SLC2A9: variants seen among roughly 807,000 people sequenced by gnomAD.
SLC2A9 encodes solute carrier family 2, facilitated glucose transporter member 9.
In SLC2A9, 39 loss-of-function variants were observed where a neutral mutation model predicts 50.6. The observed-to-expected ratio is 0.77, with a 90% confidence interval of 0.60 to 1.01. The LOEUF is 1.01. SLC2A9 is among the 50% of genes least tolerant of loss of function. The pLI, the probability that SLC2A9 is intolerant of heterozygous loss-of-function variation, is 0.00. For synonymous variants in SLC2A9, 324 were observed against 276.9 expected (o/e 1.17, Z -1.69); for missense variants, 686 against 677.6 (o/e 1.01, Z -0.14).
chr4:9,905,807 G>T (rs968674588), intron 8 of SLC2A9, among the ~76,000 whole-genome samples: 4 of 152,054 alleles, frequency 2.6e-5, no homozygotes, highest in Non-Finnish European at 5.9e-5. Flanking sequence ...CATTCATGAG[G>T]TCCCATGTAG....
Position 10,026,925 on chromosome 4 carries a change from T to C in SLC2A9, c.-40-919A>G, listed in dbSNP as rs183767602. On this transcript the variant is annotated intron_variant, in intron 1 of 12. Coordinates refer to the SLC2A9 transcript ENST00000309065. The stretch of plus-strand genomic sequence containing the variant: ...CGGGTGTGCTAGCAGGCACCTGTAA[T>C]CCCAGCTACTCGGGAGGCTGAGGCA... Among the ~76,000 whole-genome samples the C allele has an allele frequency of 4.1e-3, 629 of 152,036 alleles. 2 individuals carry two copies. The highest frequency in any genetic ancestry group is 0.014 in the African/African-American group (599 of 41,454).
chr4:9,829,137 C>T (rs28504140), intron 11 of SLC2A9, among the ~76,000 whole-genome samples: 21,590 of 152,170 alleles, frequency 0.14, 1,907 homozygotes, highest in African/African-American at 0.25. Context: ...AGCACAGTAG[C>T]TCACACCTGT....
chr4:9,846,286 C>T (rs1728983088), intron 10 of SLC2A9, among the ~76,000 whole-genome samples: 1 of 152,138 alleles, frequency 6.6e-6, no homozygotes, highest in South Asian at 2.1e-4. Flanking sequence ...GAACTCATGC[C>T]CTGCAGCATG....
chr4:9,784,030 C>T (rs1718886076), intron 3 of SLC2A9: 1 of 167,268 alleles, frequency 6.0e-6, no homozygotes, highest in Non-Finnish European at 1.5e-5. Flanking sequence ...ACTATCTTTG[C>T]TTTGCTACAT....
intron 5 of SLC2A9, among the ~76,000 whole-genome samples, chr4:9,947,710 G>A (rs1749452702): frequency 6.6e-6 from 1 of 152,074 alleles, no homozygotes; most frequent in African/African-American, 2.4e-5. Flanking sequence ...CTCACACTCT[G>A]AGCCAACATT....
chr4:10,008,938 T>A (rs1451002695), intron 2 of SLC2A9, among the ~76,000 whole-genome samples: 1 of 151,708 alleles, frequency 6.6e-6, no homozygotes, highest in Non-Finnish European at 1.5e-5. Flanking sequence ...GTCTGTTGCT[T>A]TTATAGTTAC....
At chr4:9,791,106 A>C (rs1719863014) in intron 3 of SLC2A9, among the ~76,000 whole-genome samples, 1 of 152,208 alleles carries the variant, frequency 6.6e-6, no homozygotes, top group Non-Finnish European at 1.5e-5. Context: ...CTTTTAGAGG[A>C]GAAAAAATAA....
intron 10 of SLC2A9, among the ~76,000 whole-genome samples, chr4:9,847,641 C>T (rs1729196958): frequency 6.6e-6 from 1 of 152,230 alleles, no homozygotes; most frequent in Admixed American, 6.5e-5. Context: ...CAACTTCTGC[C>T]TTCAAGGAGC....
chr4:9,802,163 G>T (rs1251781995), intron 3 of SLC2A9, among the ~76,000 whole-genome samples: 3 of 152,138 alleles, frequency 2.0e-5, no homozygotes, highest in Non-Finnish European at 4.4e-5. Flanking sequence ...GAACCTTTTA[G>T]ACGGCCATTC....
chr4:10,014,955 T>C (rs1762356474), intron 2 of SLC2A9, among the ~76,000 whole-genome samples: 1 of 152,050 alleles, frequency 6.6e-6, no homozygotes, highest in Non-Finnish European at 1.5e-5. Flanking sequence ...GGGGAAGAGT[T>C]TGGGGAATGA....
intron 10 of SLC2A9, among the ~76,000 whole-genome samples, chr4:9,855,722 G>C (rs929407428): frequency 2.0e-5 from 3 of 152,066 alleles, no homozygotes; most frequent in Non-Finnish European, 4.4e-5. Flanking sequence ...ATACTACAAG[G>C]CTACAGTAAC....
intron 5 of SLC2A9, among the ~76,000 whole-genome samples, chr4:9,965,869 T>C (rs777509458): frequency 3.9e-5 from 6 of 152,164 alleles, no homozygotes; most frequent in African/African-American, 7.2e-5. Flanking sequence ...CAAAAGAAAA[T>C]AAAAATAGAT....
At chr4:9,822,652 G>A (rs889872760), downstream of SLC2A9, among the ~76,000 whole-genome samples, 3 of 152,066 alleles carry the variant, frequency 2.0e-5, no homozygotes, top group Non-Finnish European at 4.4e-5. Context: ...AGTTCTTTCA[G>A]TGTTTAAAAA....
intron 10 of SLC2A9, among the ~76,000 whole-genome samples, chr4:9,848,782 G>T (rs1320608394): frequency 6.7e-6 from 1 of 148,696 alleles, no homozygotes; most frequent in South Asian, 2.1e-4. Context: ...TCGGCTCACT[G>T]CAAGCTCCAC....
At chr4:9,779,869 A>G (rs950176640) in exon 4 of SLC2A9, 6 of 152,146 alleles carry the variant, frequency 3.9e-5, no homozygotes, top group African/African-American at 1.4e-4. Flanking sequence ...ATTCAAACCC[A>G]TGTCTCCAAA....
At chr4:9,778,416 G>A (rs186808417), downstream of SLC2A9, among the ~76,000 whole-genome samples, 25 of 152,142 alleles carry the variant, frequency 1.6e-4, no homozygotes, top group East Asian at 2.5e-3. Flanking sequence ...CACCGCACCC[G>A]GCCCTTTACT....
In SLC2A9 at chr4:9,921,845, T is replaced by A. The variant is rs1744009070; in HGVS notation, c.815-1273A>T. ...CTATGTGATAAAATAACTCTAGACTTCTGGGGTAGAAAACTATTTCTTTCC... is the reference window on the plus strand; with the variant it reads ...CTATGTGATAAAATAACTCTAGACTACTGGGGTAGAAAACTATTTCTTTCC... On this transcript the variant is annotated intron_variant, in intron 6 of 11. Coordinates refer to ENST00000264784, the MANE Select transcript of SLC2A9 (RefSeq NM_020041.3). Among the ~76,000 whole-genome samples, 3 of 152,234 alleles carry A rather than the reference T, an allele frequency of 2.0e-5. No homozygotes were observed. The South Asian group carries it at 6.2e-4, about 31-fold the overall frequency.
chr4:10,037,765 A>G (rs1764152231), intron 1 of SLC2A9, among the ~76,000 whole-genome samples: 1 of 152,100 alleles, frequency 6.6e-6, no homozygotes, highest in Admixed American at 6.6e-5. Flanking sequence ...CCTGAGCGAC[A>G]TGGTGAAACC....
chr4:9,927,316 C>T (rs1745091360), intron 6 of SLC2A9, among the ~76,000 whole-genome samples: 2 of 152,226 alleles, frequency 1.3e-5, no homozygotes, highest in African/African-American at 2.4e-5. Flanking sequence ...CACGCCCAAC[C>T]CCATTTCTAT....
Sources: gnomAD v4.1 joint callset for allele counts (sites outside exome capture counted in the v4.1 genomes callset) on GRCh38, gnomAD v4.1.1 for gene constraint, MANE v1.5 for transcripts, NCBI Gene and HGNC (gene_info 2026-07-23, HGNC 2026-07-21) for gene names.